Variants in NRAP observed in about 807,000 individuals in gnomAD.
NRAP encodes nebulin-related-anchoring protein.
A neutral mutation model predicts 225.9 loss-of-function variants in NRAP; 189 were observed. That is an observed-to-expected ratio of 0.84 (90% CI 0.74 to 0.94). The LOEUF (loss-of-function observed/expected upper bound fraction) is 0.94. Ranked by LOEUF, NRAP falls within the 40% of genes least tolerant of loss-of-function variation. NRAP has a pLI of 0.00. For missense variants in NRAP, 2,176 were observed against 2,168.7 expected (o/e 1.00, Z -0.07); for synonymous variants, 769 against 790.7 (o/e 0.97, Z 0.46).
chr10:113,589,603 C>T, intron 41 of NRAP, 63 bp downstream of exon 41: 2 of 1,557,638 alleles, frequency 1.3e-6, no homozygotes, highest in East Asian at 4.5e-5. Flanking sequence ...TGAAAAGAAA[C>T]AATGAGTTTG....
chr10:113,615,113 G>A (rs28394588), intron 27 of NRAP, among the ~76,000 whole-genome samples, 167 bp from the exon 28 acceptor site: 1 of 151,986 alleles, frequency 6.6e-6, no homozygotes, highest in African/African-American at 2.4e-5. Context: ...GTTGGATCCT[G>A]CCTCGTGCCC....
At chr10:113,609,457 A>T (rs118124952) in intron 31 of NRAP, among the ~76,000 whole-genome samples, 5 of 152,280 alleles carry the variant, frequency 3.3e-5, no homozygotes, top group Non-Finnish European at 7.4e-5. Context: ...ACCTTCCATT[A>T]TCCCCTCTTG....
chr10:113,612,242 G>T lies in NRAP; in HGVS notation c.3490C>A (p.Gln1164Lys). 6.2e-7 allele frequency: 1 copy of T among 1,613,878 alleles called. No homozygotes were observed. The highest frequency in any genetic ancestry group is 8.5e-7 in the Non-Finnish European group (1 of 1,179,828). Residue 1164 changes from glutamine to lysine, a missense_variant, in exon 30 of 42, where the codon CAG (glutamine) becomes AAG (lysine). Physicochemically the swap from Gln to Lys is moderately conservative, Grantham distance 53 (BLOSUM62 1). Around this residue, in one of 3 missense-constraint regions of NRAP, gnomAD observed 1,708 missense variants for 1,695.5 expected, o/e 1.01. Transcript: ENST00000359988. Reference protein sequence around the residue: ...LSCAKKAHKLQSENLYRSDLN... With the variant: ...LSCAKKAHKLKSENLYRSDLN... ...AGGCCAGGTCTCCTTACCTCACTCT[G>T]CAATTTGTGAGCTTTCTTGGCACAG...
chr10:113,652,631 TAAATA>T (rs942110545), intron 6 of NRAP, among the ~76,000 whole-genome samples: 6 of 151,552 alleles, frequency 4.0e-5, no homozygotes, highest in Non-Finnish European at 7.4e-5. Context: ...TAAAAATAAA[TAAATA>T]AAATAAAAAT....
chr10:113,600,715 C>G (rs770284679), intron 35 of NRAP, among the ~76,000 whole-genome samples: 15 of 152,178 alleles, frequency 9.9e-5, no homozygotes, highest in Non-Finnish European at 1.9e-4. Flanking sequence ...GCTGTACAGT[C>G]TTGAGCAAGT....
intron 18 of NRAP, among the ~76,000 whole-genome samples, chr10:113,630,435 G>T (rs1484271066): frequency 6.6e-6 from 1 of 152,110 alleles, no homozygotes; most frequent in Non-Finnish European, 1.5e-5. Flanking sequence ...ATGGTGTGGT[G>T]GCAATGACCA....
intron 6 of NRAP, 138 bp from the exon 7 acceptor site, chr10:113,652,045 A>G (rs1182632388): frequency 1.5e-6 from 1 of 679,874 alleles, no homozygotes; most frequent in Admixed American, 2.4e-5. Context: ...GGCTTGTTTC[A>G]TGGGCTCCTC....
At position 113,606,178 on chromosome 10, in the gene NRAP, G is replaced by A. The variant is rs777328884; in HGVS notation, c.3807C>T (p.Asp1269=). Residue 1269 remains aspartate (D), a splice_region_variant and synonymous_variant, in exon 33 of 42, where the codon GAC becomes GAT. Transcript: ENST00000359988. ...GAACTTAAGTAACAAAAGGGCTTAC[G>A]TCACTCAGGTTGGCTGCATTCGTTT... ...RAKTNAANLS[D]ARYKESWRNL... The A allele has an allele frequency of 1.3e-5, 21 of 1,609,154 alleles. No individual in the cohort carries two copies. In the African/African-American group the frequency reaches 1.3e-4, roughly 10 times the overall value.
chr10:113,602,398 T>C (rs1846662250), intron 35 of NRAP, among the ~76,000 whole-genome samples: 1 of 152,156 alleles, frequency 6.6e-6, no homozygotes, highest in African/African-American at 2.4e-5. Flanking sequence ...GGGTCCCTGG[T>C]TGGGCACCAG....
chr10:113,636,275 C>T (rs1848863583), intron 14 of NRAP, among the ~76,000 whole-genome samples: 1 of 152,204 alleles, frequency 6.6e-6, no homozygotes, highest in African/African-American at 2.4e-5. Context: ...TGGCAGCTGG[C>T]TCTGCCCTCC....
chr10:113,648,211 AT>A lies in NRAP; in HGVS notation c.889-1185del, dbSNP rs1489094125. On this transcript the variant is annotated intron_variant, in intron 9 of 41. Transcript: ENST00000359988. Reference sequence around the variant, plus strand: ...GACTGTGGCACACACATTTTCTAAAATAAAATAGTTGGGTCAGATTAGAAAG... The same window carrying A: ...GACTGTGGCACACACATTTTCTAAAAAAAATAGTTGGGTCAGATTAGAAAG... Among the ~76,000 whole-genome samples the A allele has an allele frequency of 5.9e-5, 9 of 152,298 alleles. No homozygotes were observed. In the South Asian group the frequency reaches 1.9e-3, roughly 32 times the overall value.
chr10:113,645,803 G>A (rs1298152470), intron 11 of NRAP, 22 bp downstream of exon 11: 2 of 1,191,772 alleles, frequency 1.7e-6, no homozygotes, highest in Non-Finnish European at 1.2e-6. Flanking sequence ...GCTCATGGGT[G>A]TGACTCTTCC....
rs1358942818 is a variant in NRAP, at chr10:113,588,920, G to C, written c.*55C>G. 3 of 1,412,646 alleles carry C rather than the reference G, an allele frequency of 2.1e-6. No individual in the cohort carries two copies. In the East Asian group the frequency reaches 6.8e-5, roughly 32 times the overall value. 87.5% of individuals were successfully genotyped at this position (1,412,646 alleles called of 1,614,324 possible). ...CCGAAATCAAAGCCATCTGAAGCCT[G>C]TCTCTGGTGAACAAACTTCCTCTCT... On this transcript the variant is annotated 3_prime_UTR_variant, in exon 42 of 42. Transcript: ENST00000359988.
chr10:113,654,751 G>A (rs78976960), intron 4 of NRAP, among the ~76,000 whole-genome samples: 2,307 of 152,296 alleles, frequency 0.015, 31 homozygotes, highest in Admixed American at 0.043. Context: ...AATTAGTAGA[G>A]GCCAAGGGAG....
intron 41 of NRAP, 72 bp from the exon 42 acceptor site, chr10:113,589,151 G>C: frequency 7.9e-7 from 1 of 1,265,762 alleles, no homozygotes; most frequent in Non-Finnish European, 1.1e-6. Flanking sequence ...GGTTCCCACA[G>C]GACACGCTAA....
chr10:113,624,538 C>T lies in NRAP; in HGVS notation c.2349+288G>A, dbSNP rs544460741. 1.1e-3 allele frequency among the ~76,000 whole-genome samples: 175 copies of T among 152,280 alleles called. 2 individuals carry two copies. Among genetic ancestry groups the T allele is most frequent in the African/African-American group, 3.9e-3 (160 of 41,558 alleles). On this transcript the variant is annotated intron_variant, in intron 22 of 41. Coordinates refer to ENST00000359988, the MANE Select transcript of NRAP (RefSeq NM_198060.4). ...TCTGAGCTCTTACTCCCCTCTAACA[C>T]GATTATGCTGTTTCAACTCTGGCAC...
chr10:113,593,116 C>T (rs1332299913), intron 38 of NRAP, among the ~76,000 whole-genome samples: 4 of 152,100 alleles, frequency 2.6e-5, no homozygotes, highest in Non-Finnish European at 4.4e-5. Context: ...CAGTGGAGGG[C>T]TGTTCTTTAT....
chr10:113,603,055 C>A (rs1846703371), intron 35 of NRAP, among the ~76,000 whole-genome samples: 1 of 152,238 alleles, frequency 6.6e-6, no homozygotes, highest in Admixed American at 6.5e-5. Context: ...AACCCTGACA[C>A]AGATGGCTGG....
intron 11 of NRAP, among the ~76,000 whole-genome samples, chr10:113,643,260 G>T (rs1015624516): frequency 1.3e-5 from 2 of 152,134 alleles, no homozygotes; most frequent in Non-Finnish European, 2.9e-5. Flanking sequence ...AAAGCATATA[G>T]TCGCTTTCAA....
Sources: allele counts gnomAD v4.1 joint callset (sites outside exome capture counted in the v4.1 genomes callset), GRCh38; gene constraint gnomAD v4.1.1; regional missense constraint gnomAD v4.1.1; transcripts MANE v1.5; gene names NCBI Gene and HGNC (gene_info 2026-07-23, HGNC 2026-07-21).